The following TINAGL1 variants were observed in gnomAD, a reference collection of about 807,000 sequenced individuals.
TINAGL1 encodes tubulointerstitial nephritis antigen-like.
A neutral mutation model predicts 62.0 loss-of-function variants in TINAGL1; 34 were observed. That is an observed-to-expected ratio of 0.55 (90% CI 0.42 to 0.73). The LOEUF (loss-of-function observed/expected upper bound fraction) is 0.73. TINAGL1 is among the 30% of genes least tolerant of loss of function. The pLI is 0.00. For missense variants in TINAGL1, 516 were observed against 653.2 expected (o/e 0.79, Z 2.29); for synonymous variants, 221 against 249.7 (o/e 0.88, Z 1.08).
chr1:31,586,114 C>T, intron 10 of TINAGL1: 1 of 445,120 alleles, frequency 2.2e-6, no homozygotes, highest in Non-Finnish European at 3.9e-6. Context: ...AAAATAACTC[C>T]AATATGAAGA....
In TINAGL1 at chr1:31,587,047, GGGC is replaced by G; in HGVS notation, c.*71_*73del. On this transcript the variant is annotated 3_prime_UTR_variant, in exon 12 of 12. Coordinates refer to ENST00000271064, the MANE Select transcript of TINAGL1 (RefSeq NM_022164.3). ...AGGGCCGGCGGAAGAGGCCCCAATG[GGGC>G]GGTGACCCCAGCCTCGCCCGACAGA... The G allele has an allele frequency of 2.2e-6, 3 of 1,388,782 alleles. No homozygotes were observed. Among genetic ancestry groups the G allele is most frequent in the Non-Finnish European group, 2.8e-6 (3 of 1,077,486 alleles). 86.0% of individuals were successfully genotyped at this position (1,388,782 alleles called of 1,614,324 possible). A position where few individuals can be genotyped will look rare whatever the true frequency, so the allele number is the denominator to read the frequency against.
chr1:31,583,696 C>T lies in TINAGL1; in HGVS notation c.582+121C>T. On this transcript the variant is annotated intron_variant, in intron 5 of 11. Coordinates refer to ENST00000271064, the MANE Select transcript of TINAGL1 (RefSeq NM_022164.3). The surrounding 1 kb of genome is among the most constrained non-coding windows in gnomAD (Gnocchi z 4.4). ...ATCCCCTACTACAAGGCTGTGTGTC[C>T]CTGGACAAGTTACTCCCCTTCTCTG... The T allele has an allele frequency of 2.4e-6, 2 of 836,718 alleles. No individual in the cohort carries two copies. The highest frequency in any genetic ancestry group is 3.3e-5 in the South Asian group (2 of 60,958). 51.8% of individuals were successfully genotyped at this position (836,718 alleles called of 1,614,324 possible).
In TINAGL1 at chr1:31,585,698, C is replaced by T; in HGVS notation, c.1094-55C>T. On this transcript the variant is annotated intron_variant, in intron 9 of 11. Transcript: ENST00000271064. The surrounding 1 kb of genome is among the most constrained non-coding windows in gnomAD (Gnocchi z 4.3). ...CTGGGCACATCTCAATAGACTCAGG[C>T]TCCAGTGCCTGTGCCAACGGGCTGA... 1 of 1,586,146 alleles carries T rather than the reference C, an allele frequency of 6.3e-7. No homozygotes were observed. Among genetic ancestry groups the T allele is most frequent in the Non-Finnish European group, 8.6e-7 (1 of 1,165,360 alleles).
rs1639368304 is a variant in TINAGL1, at chr1:31,585,538, G to A, written c.1093+53G>A. On this transcript the variant is annotated intron_variant, in intron 9 of 11. Transcript: ENST00000271064. This position sits in a 1 kb window ranked among gnomAD's most constrained non-coding sequence, Gnocchi z 4.3. ...TCCAGAAGCTTGTGCCTGCTTGAGA[G>A]TGGGCACAGTAGCACAAGTGGCCTG... The A allele has an allele frequency of 1.9e-6, 3 of 1,609,128 alleles. No homozygotes were observed. Among genetic ancestry groups the A allele is most frequent in the Admixed American group, 1.7e-5 (1 of 59,566 alleles).
At chr1:31,579,063 A>ATGTGTG (rs139778483) in intron 2 of TINAGL1, 141 bp from the exon 3 acceptor site, 1 of 603,964 alleles carries the variant, frequency 1.7e-6, no homozygotes, top group Non-Finnish European at 3.0e-6. Context: ...GAGAGCTGGT[A>ATGTGTG]TGTGTGTGTG....
Position 31,584,519 on chromosome 1 carries a change from C to T in TINAGL1, c.583-159C>T. 1 of 1,203,212 alleles carries T rather than the reference C, an allele frequency of 8.3e-7. No individual in the cohort carries two copies. 74.5% of individuals were successfully genotyped at this position (1,203,212 alleles called of 1,614,324 possible). A position where few individuals can be genotyped will look rare whatever the true frequency, so the allele number is the denominator to read the frequency against. ...CTAAATGGTGCTTGGTTCTTCAACA[C>T]AAGTCAAAATTGGAGGCAGCTGGAA... On this transcript the variant is annotated intron_variant, in intron 5 of 11. Transcript: ENST00000271064. This position sits in a 1 kb window ranked among gnomAD's most constrained non-coding sequence, Gnocchi z 4.0.
Position 31,584,939 on chromosome 1 carries a change from C to T in TINAGL1, c.760C>T (p.Leu254=). The T allele has an allele frequency of 2.5e-6, 4 of 1,612,186 alleles. No homozygotes were observed. The highest frequency in any genetic ancestry group is 3.4e-6 in the Non-Finnish European group (4 of 1,178,330). ...TTCTCTGGGACACATGACGCCTGTCCTGTCGCCCCAGAACCTGCTGTCTTG... is the reference window on the plus strand; with the variant it reads ...TTCTCTGGGACACATGACGCCTGTCTTGTCGCCCCAGAACCTGCTGTCTTG... ...IHSLGHMTPV[L]SPQNLLSCDT... Residue 254 remains leucine, a synonymous_variant, in exon 7 of 12, where the codon CTG becomes TTG. Coordinates refer to ENST00000271064, the MANE Select transcript of TINAGL1 (RefSeq NM_022164.3). This position sits in a 1 kb window ranked among gnomAD's most constrained non-coding sequence, Gnocchi z 4.0.
At chr1:31,582,004 G>T (rs1447787127) in intron 3 of TINAGL1, among the ~76,000 whole-genome samples, 2 of 152,302 alleles carry the variant, frequency 1.3e-5, no homozygotes, top group East Asian at 3.9e-4. Flanking sequence ...CTGCCCTCAA[G>T]GAATTTACAG....
chr1:31,586,939 T>C lies in TINAGL1; in HGVS notation c.1364T>C (p.Val455Ala). ...GACATCGAGAGCTTCGTGCTGGGCG[T>C]CTGGGGCCGCGTGGGCATGGAGGAC... ...ECDIESFVLG[V>A]WGRVGMEDMG... Residue 455 changes from valine to alanine, a missense_variant, in exon 12 of 12, where the codon GTC (valine) becomes GCC (alanine). Physicochemically the swap from Val to Ala is moderately conservative, Grantham distance 64. Coordinates refer to ENST00000271064, the MANE Select transcript of TINAGL1 (RefSeq NM_022164.3). 1 of 1,534,684 alleles carries C rather than the reference T, an allele frequency of 6.5e-7. No individual in the cohort carries two copies. Among genetic ancestry groups the C allele is most frequent in the Non-Finnish European group, 8.7e-7 (1 of 1,144,466 alleles).
intron 2 of TINAGL1, among the ~76,000 whole-genome samples, chr1:31,578,434 G>GTGT (rs1639074329): frequency 2.0e-5 from 2 of 99,918 alleles, no homozygotes; most frequent in Admixed American, 1.0e-4. Flanking sequence ...AGTGACAGCT[G>GTGT]GTGTGTGTGT....
Position 31,577,475 on chromosome 1 carries a change from C to T in TINAGL1, c.310+17C>T. 6.3e-7 allele frequency: 1 copy of T among 1,591,200 alleles called. No individual in the cohort carries two copies. Reference sequence around the variant, plus strand: ...CGATCCAAGGTGGGCACTAAGATGGCCAGGAGGGTGGGTCACTTTGTCCAC... The same window carrying T: ...CGATCCAAGGTGGGCACTAAGATGGTCAGGAGGGTGGGTCACTTTGTCCAC... On this transcript the variant is annotated intron_variant, in intron 2 of 11. Transcript: ENST00000271064. This position sits in a 1 kb window ranked among gnomAD's most constrained non-coding sequence, Gnocchi z 5.4.
At chr1:31,580,879 T>G in intron 3 of TINAGL1, 1 of 937,096 alleles carries the variant, frequency 1.1e-6, no homozygotes, top group Non-Finnish European at 1.4e-6. Context: ...GTCCCATTTC[T>G]AGTGTAAGGT....
Position 31,584,943 on chromosome 1 carries a change from C to T in TINAGL1, c.764C>T (p.Ser255Leu), listed in dbSNP as rs1377225579. 6.2e-7 allele frequency: 1 copy of T among 1,611,930 alleles called. No homozygotes were observed. The highest frequency in any genetic ancestry group is 1.3e-5 in the African/African-American group (1 of 75,022). ...CTGGGACACATGACGCCTGTCCTGTCGCCCCAGAACCTGCTGTCTTGTGAC... is the reference window on the plus strand; with the variant it reads ...CTGGGACACATGACGCCTGTCCTGTTGCCCCAGAACCTGCTGTCTTGTGAC... ...HSLGHMTPVL[S>L]PQNLLSCDTH... The change falls in exon 7 of 12, where the codon TCG becomes TTG. Residue 255 changes from serine (S) to leucine (L), a missense_variant. Coordinates refer to ENST00000271064, the MANE Select transcript of TINAGL1 (RefSeq NM_022164.3). This position sits in a 1 kb window ranked among gnomAD's most constrained non-coding sequence, Gnocchi z 4.0.
At chr1:31,579,858 G>C (rs183991483) in intron 3 of TINAGL1, 1 of 161,748 alleles carries the variant, frequency 6.2e-6, no homozygotes, top group African/African-American at 2.4e-5. Context: ...GGGAGCCTGC[G>C]ACTTGGAGGA....
At position 31,587,130 on chromosome 1, in the gene TINAGL1, G is replaced by A; in HGVS notation, c.*151G>A. 3 of 1,186,996 alleles carry A rather than the reference G, an allele frequency of 2.5e-6. No homozygotes were observed. Among genetic ancestry groups the A allele is most frequent in the East Asian group, 3.3e-5 (1 of 30,618 alleles). 73.5% of individuals were successfully genotyped at this position (1,186,996 alleles called of 1,614,324 possible). On this transcript the variant is annotated 3_prime_UTR_variant, in exon 12 of 12. Transcript: ENST00000271064. Reference sequence around the variant, plus strand: ...TAATCCCGGCGCGGGTTCCGCTGACGCAGCGCCCCGCCTGGGAGCCGCGGG... The same window carrying A: ...TAATCCCGGCGCGGGTTCCGCTGACACAGCGCCCCGCCTGGGAGCCGCGGG...
At chr1:31,579,040 G>A (rs12753402) in intron 2 of TINAGL1, among the ~76,000 whole-genome samples, 164 bp from the exon 3 acceptor site, 95,787 of 97,226 alleles carry the variant, frequency 0.99, 47,219 homozygotes, top group Admixed American at 0.99. Flanking sequence ...TTCAGTTATA[G>A]TTTAATTTCA....
At position 31,577,314 on chromosome 1, in the gene TINAGL1, C is replaced by T. The variant is rs770548952; in HGVS notation, c.166C>T (p.Arg56Cys). The T allele has an allele frequency of 9.3e-6, 15 of 1,613,716 alleles. No individual in the cohort carries two copies. The highest frequency in any genetic ancestry group is 1.3e-5 in the African/African-American group (1 of 75,066). Residue 56 changes from arginine (R) to cysteine (C), a missense_variant, in exon 2 of 12, where the codon CGC becomes TGC. Coordinates refer to ENST00000271064, the MANE Select transcript of TINAGL1 (RefSeq NM_022164.3). The surrounding 1 kb of genome is among the most constrained non-coding windows in gnomAD (Gnocchi z 5.4). ...CTGCCAGGAGCAGGACCTGTGCTGC[C>T]GCGGCCGTGCCGACGACTGTGCCCT... ...RYCQEQDLCC[R>C]GRADDCALPY...
rs911733772 is a variant in TINAGL1 at position 31,583,815 on chromosome 1, C to A, written c.582+240C>A. 1 of 529,132 alleles carries A rather than the reference C, an allele frequency of 1.9e-6. No individual in the cohort carries two copies. The highest frequency in any genetic ancestry group is 1.9e-5 in the African/African-American group (1 of 52,696). The allele number at this position is 529,132 out of a possible 1,614,324, so 32.8% of individuals were successfully genotyped here. On this transcript the variant is annotated intron_variant, in intron 5 of 11. Transcript: ENST00000271064. This position sits in a 1 kb window ranked among gnomAD's most constrained non-coding sequence, Gnocchi z 4.4. ...GTCTTGGCATCAGCTCCCCCCTGAT[C>A]TCTCCAGCCTGGGAAAAATGCTGTT...
At chr1:31,580,176 T>TCC (rs1208821754) in intron 3 of TINAGL1, 1 of 301,350 alleles carries the variant, frequency 3.3e-6, no homozygotes, top group African/African-American at 3.8e-5. Flanking sequence ...TCTCTCTCTC[T>TCC]CTCTCTCTCT....
Sources: allele counts gnomAD v4.1 joint callset (sites outside exome capture counted in the v4.1 genomes callset), GRCh38; gene constraint gnomAD v4.1.1; non-coding constraint Gnocchi (gnomAD v3.1); transcripts MANE v1.5; gene names NCBI Gene and HGNC (gene_info 2026-07-23, HGNC 2026-07-21).